Variants in DCBLD2 observed in about 807,000 individuals in gnomAD.
The protein encoded by DCBLD2 is discoidin, CUB and LCCL domain containing 2.
Under a neutral mutation model 86.8 loss-of-function variants are expected in DCBLD2, and 54 were observed. The observed-to-expected ratio is 0.62, with a 90% CI of 0.50 to 0.78. DCBLD2 has a LOEUF of 0.78. DCBLD2 is among the 30% of genes least tolerant of loss of function. The probability of loss-of-function intolerance (pLI) is 0.00; values close to 1 mark genes in which losing one functional copy is unlikely to be tolerated. For synonymous variants in DCBLD2, 354 were observed against 341.3 expected (o/e 1.04, Z -0.41); for missense variants, 908 against 954.2 (o/e 0.95, Z 0.64).
At chr3:98,889,963 C>T (rs546063989) in intron 1 of DCBLD2, among the ~76,000 whole-genome samples, 1 of 151,984 alleles carries the variant, frequency 6.6e-6, no homozygotes, top group Admixed American at 6.6e-5. Flanking sequence ...CCCCTCACCA[C>T]CCCCCATCTA....
At chr3:98,824,320 T>C (rs1212668276) in intron 4 of DCBLD2, among the ~76,000 whole-genome samples, 1 of 135,594 alleles carries the variant, frequency 7.4e-6, no homozygotes, top group African/African-American at 2.6e-5. Flanking sequence ...TAGGCAATAG[T>C]ACAGCAGCCC....
chr3:98,840,898 A>G (rs1013256149), intron 3 of DCBLD2, among the ~76,000 whole-genome samples: 4 of 152,240 alleles, frequency 2.6e-5, no homozygotes, highest in African/African-American at 9.6e-5. Context: ...GAAGTATCAC[A>G]CATATGGTAC....
At chr3:98,843,919 CT>C (rs1276521948) in intron 3 of DCBLD2, among the ~76,000 whole-genome samples, 1 of 152,054 alleles carries the variant, frequency 6.6e-6, no homozygotes, top group African/African-American at 2.4e-5. Flanking sequence ...AGACTGAGCA[CT>C]ACAAAATTTC....
At chr3:98,879,342 T>G (rs889532913) in intron 2 of DCBLD2, among the ~76,000 whole-genome samples, 1 of 152,200 alleles carries the variant, frequency 6.6e-6, no homozygotes, top group African/African-American at 2.4e-5. Flanking sequence ...AAAACAGTCA[T>G]TCTTTACCAT....
rs145320531 is a variant in DCBLD2, at chr3:98,852,640, G to A, written c.434-3042C>T. 2.5e-3 allele frequency among the ~76,000 whole-genome samples: 379 copies of A among 152,266 alleles called. 7 individuals are homozygous for A. The highest frequency in any genetic ancestry group is 8.9e-3 in the African/African-American group (369 of 41,542). ...GCAAAACGGAGATTTTTCTGGGTAA[G>A]CCTGAACTAATCAGGTAGGCCCATT... On this transcript the variant is annotated intron_variant, in intron 2 of 15. Transcript: ENST00000326840.
rs529403287 is a variant in DCBLD2 at position 98,876,220 on chromosome 3, CAA to C, written c.433+5318_433+5319del. On this transcript the variant is annotated intron_variant, in intron 2 of 15. Coordinates refer to ENST00000326840, the MANE Select transcript of DCBLD2 (RefSeq NM_080927.4). ...GAGAAGTCCTAAAACCTGAGAGAAA[CAA>C]AGACCAATAAAACTTGACAGATGGG... Among the ~76,000 whole-genome samples the C allele has an allele frequency of 4.1e-3, 625 of 151,358 alleles. 3 individuals carry two copies. Among genetic ancestry groups the C allele is most frequent in the African/African-American group, 0.014 (591 of 41,280 alleles).
At chr3:98,873,892 G>T in intron 2 of DCBLD2, among the ~76,000 whole-genome samples, 1 of 152,206 alleles carries the variant, frequency 6.6e-6, no homozygotes, top group Non-Finnish European at 1.5e-5. Flanking sequence ...AATAAGAAAT[G>T]ACAGGAGGTA....
intron 3 of DCBLD2, among the ~76,000 whole-genome samples, chr3:98,829,485 C>T (rs1942284664): frequency 6.6e-6 from 1 of 152,108 alleles, no homozygotes; most frequent in Non-Finnish European, 1.5e-5. Flanking sequence ...CTTTATGTGT[C>T]CATGTGCTAC....
At chr3:98,817,132 A>G (rs1942036761) in intron 9 of DCBLD2, among the ~76,000 whole-genome samples, 1 of 152,138 alleles carries the variant, frequency 6.6e-6, no homozygotes, top group South Asian at 2.1e-4. Flanking sequence ...CCATTTAAAG[A>G]TCAAAGGGAT....
chr3:98,889,134 A>G (rs1943612433), intron 1 of DCBLD2, among the ~76,000 whole-genome samples: 1 of 151,952 alleles, frequency 6.6e-6, no homozygotes, highest in Non-Finnish European at 1.5e-5. Context: ...CTTCTTGAGC[A>G]TATATCTGCC....
chr3:98,799,677 G>T lies in DCBLD2; in HGVS notation c.2023C>A (p.Pro675Thr). Reference sequence around the variant, plus strand: ...ATGATGATTGGGGTTGCATACTCAGGCCCCGTAATTGGGAGTGGTTCAGCA... The same window carrying T: ...ATGATGATTGGGGTTGCATACTCAGTCCCCGTAATTGGGAGTGGTTCAGCA... ...AYAEPLPITG[P>T]EYATPIIMDM... Residue 675 changes from proline (P) to threonine (T), a missense_variant, in exon 16 of 16, where the codon CCT (proline) becomes ACT (threonine). By Grantham distance (38) the Pro-to-Thr change is conservative (BLOSUM62 -1). This residue lies in a region of DCBLD2 where 606 missense variants were observed against 678.5 expected (regional missense o/e 0.89). Transcript: ENST00000326840. 6.2e-7 allele frequency: 1 copy of T among 1,613,968 alleles called. No homozygotes were observed. Among genetic ancestry groups the T allele is most frequent in the Non-Finnish European group, 8.5e-7 (1 of 1,179,880 alleles).
At chr3:98,838,444 C>T (rs1376577908) in intron 3 of DCBLD2, among the ~76,000 whole-genome samples, 23 of 118,706 alleles carry the variant, frequency 1.9e-4, no homozygotes, top group Admixed American at 1.3e-3. Context: ...ACATCTCAGA[C>T]GATGGGCGGC....
rs568439696 is a variant in DCBLD2 at position 98,799,030 on chromosome 3, A to T, written c.*342T>A. 2.2e-4 allele frequency: 46 copies of T among 204,746 alleles called. No individual in the cohort carries two copies. The South Asian group carries it at 3.6e-3, about 16-fold the overall frequency. The allele number at this position is 204,746 out of a possible 1,614,324, so 12.7% of individuals were successfully genotyped here. A position where few individuals can be genotyped will look rare whatever the true frequency, so the allele number is the denominator to read the frequency against. On this transcript the variant is annotated 3_prime_UTR_variant, in exon 16 of 16. Transcript: ENST00000326840. ...TATTGCCAGTCAGGCTTACAGAGCC[A>T]TCTCGAGTTCATTAATGTACCTGCA...
At chr3:98,829,478 T>A (rs1431208388) in intron 3 of DCBLD2, among the ~76,000 whole-genome samples, 2 of 152,144 alleles carry the variant, frequency 1.3e-5, no homozygotes, top group African/African-American at 4.8e-5. Context: ...TGTTCCCCTT[T>A]ATGTGTCCAT....
chr3:98,858,612 G>A (rs1264154406), intron 2 of DCBLD2, among the ~76,000 whole-genome samples: 1 of 152,210 alleles, frequency 6.6e-6, no homozygotes, highest in Non-Finnish European at 1.5e-5. Context: ...AGAGTGAAGA[G>A]ACACAGAAAG....
intron 2 of DCBLD2, among the ~76,000 whole-genome samples, chr3:98,857,293 G>C (rs1274482938): frequency 6.6e-6 from 1 of 152,212 alleles, no homozygotes; most frequent in Admixed American, 6.5e-5. Context: ...CAAAGAGTGA[G>C]CAGTAGCAAG....
chr3:98,881,751 G>A lies in DCBLD2; in HGVS notation c.222C>T (p.His74=). 6.2e-7 allele frequency: 1 copy of A among 1,612,920 alleles called. No homozygotes were observed. The highest frequency in any genetic ancestry group is 8.5e-7 in the Non-Finnish European group (1 of 1,179,236). The stretch of plus-strand genomic sequence containing the variant: ...TTCCACTCTCAGGGCCTAGTACAGT[G>A]TGTCCACATCCATCACCTTTAAAAA... The part of the protein sequence containing the change: ...AGAQQGDGCG[H]TVLGPESGTL... The change falls in exon 2 of 16, where the codon CAC becomes CAT. Residue 74 remains histidine, a synonymous_variant. Coordinates refer to ENST00000326840, the MANE Select transcript of DCBLD2 (RefSeq NM_080927.4).
rs1338707879 is a variant in DCBLD2 at position 98,796,993 on chromosome 3, GA to G, written c.*2378del. 1.4e-5 allele frequency: 2 copies of G among 148,078 alleles called. No individual in the cohort carries two copies. The highest frequency in any genetic ancestry group is 5.0e-5 in the African/African-American group (2 of 40,152). The allele number at this position is 148,078 out of a possible 1,614,324, so 9.2% of individuals were successfully genotyped here. ...ACTTTCACATTTTCAGTTGTTACTT[GA>G]TTGTCTCCAAAGCCGTATATGTATC... On this transcript the variant is annotated 3_prime_UTR_variant, in exon 16 of 16. Transcript: ENST00000326840.
chr3:98,862,377 G>A (rs1299830897), intron 2 of DCBLD2, among the ~76,000 whole-genome samples: 2 of 152,182 alleles, frequency 1.3e-5, no homozygotes, highest in Non-Finnish European at 2.9e-5. Context: ...TATGAGGCCA[G>A]CATCATCCTG....
Sources: allele counts gnomAD v4.1 joint callset (sites outside exome capture counted in the v4.1 genomes callset), GRCh38; gene constraint gnomAD v4.1.1; regional missense constraint gnomAD v4.1.1; transcripts MANE v1.5; gene names NCBI Gene and HGNC (gene_info 2026-07-23, HGNC 2026-07-21).